Variants in RFX3 observed in about 807,000 individuals in gnomAD.
RFX3 encodes transcription factor RFX3.
A neutral mutation model predicts 98.6 loss-of-function variants in RFX3; 14 were observed. The ratio of observed to expected loss-of-function variants is 0.14; its 90% confidence interval spans 0.09 to 0.22. The LOEUF (loss-of-function observed/expected upper bound fraction) is 0.22, where lower values mean the gene tolerates loss of function less well. RFX3 is among the 10% of genes least tolerant of loss of function. RFX3 has a pLI of 1.00. For synonymous variants in RFX3, 383 were observed against 328.4 expected (o/e 1.17, Z -1.80); for missense variants, 639 against 926.9 (o/e 0.69, Z 4.03).
chr9:3,361,677 A>G (rs1836473223), intron 2 of RFX3, among the ~76,000 whole-genome samples: 1 of 151,248 alleles, frequency 6.6e-6, no homozygotes, highest in Non-Finnish European at 1.5e-5. Flanking sequence ...AAAAAAAAAA[A>G]AAAAAGTAAA....
At chr9:3,326,667 G>A (rs182633669) in intron 4 of RFX3, among the ~76,000 whole-genome samples, 6 of 152,190 alleles carry the variant, frequency 3.9e-5, no homozygotes, top group Admixed American at 1.3e-4. Flanking sequence ...ACATGATCTC[G>A]TTCTTTGTTA....
At position 3,434,688 on chromosome 9, in the gene RFX3, AC is replaced by A. The variant is rs1844961628; in HGVS notation, c.-8-39093del. Among the ~76,000 whole-genome samples, 4 of 151,684 alleles carry A rather than the reference AC, an allele frequency of 2.6e-5. No homozygotes were observed. The South Asian group carries it at 8.3e-4, about 32-fold the overall frequency. Reference sequence around the variant, plus strand: ...CAGTAAGTGTCCTTACCTTCTCCCCACCCTCCTTCTGCACTCCAAATGCCAG... The same window carrying A: ...CAGTAAGTGTCCTTACCTTCTCCCCACCTCCTTCTGCACTCCAAATGCCAG... On this transcript the variant is annotated intron_variant, in intron 1 of 16. Transcript: ENST00000617270.
intron 1 of RFX3, among the ~76,000 whole-genome samples, chr9:3,416,654 T>C (rs1843011744): frequency 6.6e-6 from 1 of 152,266 alleles, no homozygotes; most frequent in African/African-American, 2.4e-5. Context: ...AAGTGGCACA[T>C]TATTTGAAGG....
At chr9:3,520,833 G>A (rs948076593) in intron 1 of RFX3, among the ~76,000 whole-genome samples, 4 of 152,064 alleles carry the variant, frequency 2.6e-5, no homozygotes, top group Non-Finnish European at 4.4e-5. Flanking sequence ...CACCGGCAAG[G>A]CTGGCTAATT....
At position 3,248,046 on chromosome 9, in the gene RFX3, C is replaced by T. The variant is rs1820919184; in HGVS notation, c.1954G>A (p.Ala652Thr). The T allele has an allele frequency of 6.2e-7, 1 of 1,614,038 alleles. No homozygotes were observed. Among genetic ancestry groups the T allele is most frequent in the African/African-American group, 1.3e-5 (1 of 75,044 alleles). Residue 652 changes from alanine to threonine, a missense_variant, in exon 15 of 17, where the codon GCA (alanine) becomes ACA (threonine). Physicochemically the swap from Ala to Thr is moderately conservative, Grantham distance 58 (BLOSUM62 0). Coordinates refer to ENST00000617270, the MANE Select transcript of RFX3 (RefSeq NM_001282116.2). ...VAQATGETPI[A>T]VMGEFGDLNA... ...GCCTCTCTTACCTCGCCCATGACTG[C>T]TATAGGAGTCTCTCCTGTTGCCTGA...
chr9:3,383,161 C>T (rs1420417834), intron 2 of RFX3, among the ~76,000 whole-genome samples: 1 of 152,018 alleles, frequency 6.6e-6, no homozygotes, highest in African/African-American at 2.4e-5. Context: ...TCATTTTTCC[C>T]TCTTTTTTTA....
chr9:3,423,234 G>A (rs1431236927), intron 1 of RFX3, among the ~76,000 whole-genome samples: 1 of 152,150 alleles, frequency 6.6e-6, no homozygotes, highest in Admixed American at 6.5e-5. Flanking sequence ...ACTTTGAAAG[G>A]TGCTTCTGAA....
chr9:3,243,403 A>G (rs1313292367), intron 15 of RFX3, among the ~76,000 whole-genome samples: 1 of 151,384 alleles, frequency 6.6e-6, no homozygotes, highest in South Asian at 2.1e-4. Context: ...TAGCATACTG[A>G]CATTTACAGG....
At chr9:3,359,739 T>A (rs1320380762) in intron 2 of RFX3, among the ~76,000 whole-genome samples, 1 of 152,186 alleles carries the variant, frequency 6.6e-6, no homozygotes, top group Non-Finnish European at 1.5e-5. Flanking sequence ...TGTATTTTTT[T>A]AAATAATGAA....
At chr9:3,295,004 A>G (rs1437173325) in intron 5 of RFX3, among the ~76,000 whole-genome samples, 1 of 152,130 alleles carries the variant, frequency 6.6e-6, no homozygotes, top group Non-Finnish European at 1.5e-5. Context: ...TTCTTTTGTT[A>G]TGAATCATCT....
chr9:3,279,495 AT>A (rs1278617756), intron 7 of RFX3, among the ~76,000 whole-genome samples: 1 of 151,870 alleles, frequency 6.6e-6, no homozygotes, highest in Non-Finnish European at 1.5e-5. Flanking sequence ...TTGCAAAATT[AT>A]TACAAGACTT....
At chr9:3,479,271 T>C (rs1373683934) in intron 1 of RFX3, among the ~76,000 whole-genome samples, 2 of 152,184 alleles carry the variant, frequency 1.3e-5, no homozygotes, top group Admixed American at 6.5e-5. Flanking sequence ...ATATTTTTGT[T>C]GTTGTATAGG....
chr9:3,426,736 T>C (rs561183497), intron 1 of RFX3, among the ~76,000 whole-genome samples: 20 of 152,176 alleles, frequency 1.3e-4, no homozygotes, highest in Admixed American at 1.0e-3. Context: ...GATCTGTCAC[T>C]GTCTCCTGTC....
chr9:3,308,812 A>T (rs1829629868), intron 4 of RFX3, among the ~76,000 whole-genome samples: 1 of 152,124 alleles, frequency 6.6e-6, no homozygotes, highest in South Asian at 2.1e-4. Context: ...AAAGAGGGGA[A>T]GGTGTATGGG....
intron 2 of RFX3, among the ~76,000 whole-genome samples, chr9:3,384,701 C>T (rs1839523941): frequency 6.6e-6 from 1 of 152,158 alleles, no homozygotes; most frequent in Non-Finnish European, 1.5e-5. Flanking sequence ...ACTTAAATAG[C>T]TTATAGTGCA....
intron 15 of RFX3, among the ~76,000 whole-genome samples, chr9:3,234,417 T>C (rs558946234): frequency 1.3e-5 from 2 of 152,184 alleles, no homozygotes; most frequent in Non-Finnish European, 1.5e-5. Context: ...GGTGTGCGTA[T>C]TGCTTAAGCC....
intron 8 of RFX3, among the ~76,000 whole-genome samples, chr9:3,276,728 G>C (rs1825278756): frequency 6.6e-6 from 1 of 151,890 alleles, no homozygotes; most frequent in Admixed American, 6.6e-5. Flanking sequence ...ATCTTGACCT[G>C]TTATATGGAA....
chr9:3,466,274 A>G (rs1205762764), intron 1 of RFX3, among the ~76,000 whole-genome samples: 3 of 152,226 alleles, frequency 2.0e-5, no homozygotes, highest in Non-Finnish European at 2.9e-5. Flanking sequence ...GCTTAAGGTC[A>G]TATAGCCAAA....
At chr9:3,411,785 A>T (rs994677219) in intron 1 of RFX3, among the ~76,000 whole-genome samples, 1 of 151,506 alleles carries the variant, frequency 6.6e-6, no homozygotes, top group Non-Finnish European at 1.5e-5. Context: ...GCCACTGCGC[A>T]GGCCTCTTGT....
Sources: gnomAD v4.1 joint callset for allele counts (sites outside exome capture counted in the v4.1 genomes callset) on GRCh38, gnomAD v4.1.1 for gene constraint, MANE v1.5 for transcripts, NCBI Gene and HGNC (gene_info 2026-07-23, HGNC 2026-07-21) for gene names.